Variants in FBXL17 observed in about 807,000 individuals in gnomAD.
The protein encoded by FBXL17 is F-box/LRR-repeat protein 17.
Under a neutral mutation model 66.2 loss-of-function variants are expected in FBXL17, and 22 were observed. The observed-to-expected ratio is 0.33, with a 90% CI of 0.24 to 0.47. The LOEUF (loss-of-function observed/expected upper bound fraction) is 0.47. FBXL17 is among the 20% of genes least tolerant of loss of function. The pLI is 1.00. For missense variants in FBXL17, 878 were observed against 948.2 expected (o/e 0.93, Z 0.97); for synonymous variants, 474 against 400.5 (o/e 1.18, Z -2.19).
intron 3 of FBXL17, among the ~76,000 whole-genome samples, chr5:108,354,628 A>G (rs1747851483): frequency 1.3e-5 from 2 of 151,990 alleles, no homozygotes; most frequent in Non-Finnish European, 1.5e-5. Flanking sequence ...TACAGACCCA[A>G]GAAGTTCAGA....
intron 6 of FBXL17, among the ~76,000 whole-genome samples, chr5:108,093,801 T>C (rs953240814): frequency 6.6e-6 from 1 of 152,178 alleles, no homozygotes; most frequent in Non-Finnish European, 1.5e-5. Context: ...CTATGTTTTA[T>C]TCTAATGCTT....
chr5:108,351,838 G>A (rs1411548706), intron 3 of FBXL17, among the ~76,000 whole-genome samples: 1 of 152,228 alleles, frequency 6.6e-6, no homozygotes, highest in Non-Finnish European at 1.5e-5. Flanking sequence ...GAAGGAATAA[G>A]TGTGGTTTTT....
intron 7 of FBXL17, among the ~76,000 whole-genome samples, chr5:107,933,114 G>A (rs755593736): frequency 2.6e-5 from 4 of 152,064 alleles, no homozygotes; most frequent in African/African-American, 9.7e-5. Context: ...GGTATGGAAC[G>A]GTACTGAATT....
At chr5:108,279,305 G>A (rs1159505792) in intron 4 of FBXL17, among the ~76,000 whole-genome samples, 1 of 152,050 alleles carries the variant, frequency 6.6e-6, no homozygotes, top group Admixed American at 6.6e-5. Flanking sequence ...CAAAAGGCAT[G>A]CTTAGTCCAC....
At chr5:108,033,502 A>G (rs540907842) in intron 6 of FBXL17, among the ~76,000 whole-genome samples, 1 of 152,208 alleles carries the variant, frequency 6.6e-6, no homozygotes, top group South Asian at 2.1e-4. Context: ...CCCAATGCCC[A>G]TTCCCACTCA....
chr5:108,223,168 C>T (rs17161168), intron 5 of FBXL17, among the ~76,000 whole-genome samples: 1 of 152,082 alleles, frequency 6.6e-6, no homozygotes, highest in Admixed American at 6.6e-5. Flanking sequence ...TATGATCCTA[C>T]CATAGTCCTA....
At chr5:108,034,023 T>C (rs1746744052) in intron 6 of FBXL17, among the ~76,000 whole-genome samples, 1 of 152,178 alleles carries the variant, frequency 6.6e-6, no homozygotes, top group East Asian at 1.9e-4. Flanking sequence ...GCAATACTTG[T>C]TGTAAACCCC....
chr5:107,999,651 T>C (rs1270961570), intron 7 of FBXL17, among the ~76,000 whole-genome samples: 2 of 151,426 alleles, frequency 1.3e-5, no homozygotes, highest in Admixed American at 6.6e-5. Flanking sequence ...CACACACACA[T>C]ACACACACAA....
At chr5:108,151,191 AC>A (rs1241225066) in intron 6 of FBXL17, among the ~76,000 whole-genome samples, 3 of 152,116 alleles carry the variant, frequency 2.0e-5, no homozygotes, top group Non-Finnish European at 4.4e-5. Context: ...TTTCCAAAAT[AC>A]TTGCTTCACG....
intron 5 of FBXL17, among the ~76,000 whole-genome samples, chr5:108,220,153 G>C (rs1754796942): frequency 6.6e-6 from 1 of 151,302 alleles, no homozygotes; most frequent in African/African-American, 2.4e-5. Context: ...TTTCTCTTTT[G>C]ATTTTGTCTT....
At chr5:107,881,300 C>T (rs948814957) in intron 7 of FBXL17, 121 bp from the exon 8 acceptor site, 11 of 596,434 alleles carry the variant, frequency 1.8e-5, no homozygotes, top group East Asian at 8.0e-5. Context: ...TGTAAATGAA[C>T]GTTTTATAAA....
chr5:108,375,367 G>GCACACA (rs61340348), intron 1 of FBXL17, among the ~76,000 whole-genome samples: 7,114 of 148,706 alleles, frequency 0.048, 537 homozygotes, highest in African/African-American at 0.16. Context: ...CAGAGACCCT[G>GCACACA]CACACACACA....
chr5:107,893,041 G>T (rs1749247915), intron 7 of FBXL17, among the ~76,000 whole-genome samples: 1 of 152,048 alleles, frequency 6.6e-6, no homozygotes, highest in Non-Finnish European at 1.5e-5. Context: ...CTCAAGTCCA[G>T]CAATTATTTC....
At chr5:108,279,019 G>A (rs1000336273) in intron 4 of FBXL17, among the ~76,000 whole-genome samples, 1 of 152,104 alleles carries the variant, frequency 6.6e-6, no homozygotes, top group Non-Finnish European at 1.5e-5. Context: ...GCTGCTTCTG[G>A]CTCTTACCTG....
At chr5:107,891,011 A>G (rs1010346612) in intron 7 of FBXL17, among the ~76,000 whole-genome samples, 3 of 152,192 alleles carry the variant, frequency 2.0e-5, no homozygotes, top group Admixed American at 2.0e-4. Flanking sequence ...TAGACTATAT[A>G]ATTTTTCAGA....
chr5:107,965,813 C>T (rs1752107196), intron 7 of FBXL17, among the ~76,000 whole-genome samples: 1 of 152,018 alleles, frequency 6.6e-6, no homozygotes, highest in African/African-American at 2.4e-5. Flanking sequence ...TACATAATTA[C>T]TGGAGGGAAA....
At chr5:108,117,991 T>C (rs893742252) in intron 6 of FBXL17, among the ~76,000 whole-genome samples, 3 of 152,018 alleles carry the variant, frequency 2.0e-5, no homozygotes, top group African/African-American at 7.2e-5. Flanking sequence ...AAGCAGGAGA[T>C]GGAGGGAGGT....
chr5:108,144,563 T>C (rs1056334221), intron 6 of FBXL17, among the ~76,000 whole-genome samples: 1 of 152,184 alleles, frequency 6.6e-6, no homozygotes, highest in African/African-American at 2.4e-5. Flanking sequence ...TTCAAAGATA[T>C]ACCACGTGTT....
rs535253790 is a variant in FBXL17 at position 107,878,208 on chromosome 5, A to G, written c.1965+2829T>C. The G allele has an allele frequency of 5.3e-6, 5 of 951,608 alleles. No homozygotes were observed. In the East Asian group the frequency reaches 5.8e-4, roughly 110 times the overall value. The allele number at this position is 951,608 out of a possible 1,614,324, so 58.9% of individuals were successfully genotyped here. A position where few individuals can be genotyped will look rare whatever the true frequency, so the allele number is the denominator to read the frequency against. On this transcript the variant is annotated intron_variant, in intron 8 of 8. Transcript: ENST00000542267. ...AAATTTAGGTGAGGAAAAAGCACAA[A>G]GGCAAAGCATTCTCTAGTCTGAATT...
Sources: allele counts gnomAD v4.1 joint callset (sites outside exome capture counted in the v4.1 genomes callset), GRCh38; gene constraint gnomAD v4.1.1; transcripts MANE v1.5; gene names NCBI Gene and HGNC (gene_info 2026-07-23, HGNC 2026-07-21).